Variants in ST6GALNAC3 observed in about 807,000 individuals in gnomAD.
ST6GALNAC3 encodes the protein ST6 N-acetylgalactosaminide alpha-2,6-sialyltransferase 3, also known as alpha-N-acetylgalactosaminide alpha-2,6-sialyltransferase 3.
ST6GALNAC3 carries 25 observed loss-of-function variants against 32.7 expected under a neutral mutation model. The observed-to-expected ratio is 0.76, with a 90% CI of 0.56 to 1.07. ST6GALNAC3 has a LOEUF of 1.07. Ranked by LOEUF, ST6GALNAC3 falls within the 50% of genes least tolerant of loss-of-function variation. The pLI, the probability that ST6GALNAC3 is intolerant of heterozygous loss-of-function variation, is 0.00. For missense variants in ST6GALNAC3, 355 were observed against 382.4 expected, an observed-to-expected ratio of 0.93 and a Z score of 0.60; for synonymous variants, 129 against 133.1, an observed-to-expected ratio of 0.97 and a Z score of 0.21.
rs140690553 is a variant in ST6GALNAC3, at chr1:76,425,907, CT to C, written c.623+13493del. Among the ~76,000 whole-genome samples the C allele has an allele frequency of 4.0e-3, 602 of 151,996 alleles. 2 individuals carry two copies. Among genetic ancestry groups the C allele is most frequent in the African/African-American group, 0.014 (580 of 41,510 alleles). ...CCTGTTAAGAAATCAAGACCATGTG[CT>C]TTGTCTATAATCCTGGAGTCAGCCC... is the stretch of plus-strand genomic sequence containing the variant. On this transcript the variant is annotated intron_variant, in intron 3 of 4. Transcript: ENST00000328299.
intron 1 of ST6GALNAC3, among the ~76,000 whole-genome samples, chr1:76,180,723 G>A (rs907462357): frequency 6.6e-6 from 1 of 152,134 alleles, no homozygotes; most frequent in African/African-American, 2.4e-5. Flanking sequence ...GTCTGGAGAT[G>A]GTCAGAAAAT....
chr1:76,287,464 AT>A (rs1227388103), intron 1 of ST6GALNAC3, among the ~76,000 whole-genome samples: 1 of 141,010 alleles, frequency 7.1e-6, no homozygotes, highest in African/African-American at 2.7e-5. Flanking sequence ...AAATGGAGTT[AT>A]TTGGTCACAG....
chr1:76,197,595 T>C (rs1654278164), intron 1 of ST6GALNAC3, among the ~76,000 whole-genome samples: 1 of 152,122 alleles, frequency 6.6e-6, no homozygotes, highest in East Asian at 1.9e-4. Flanking sequence ...TATCCCAGGC[T>C]AAAAGGGACA....
At chr1:76,296,194 C>G (rs1386270446) in intron 1 of ST6GALNAC3, among the ~76,000 whole-genome samples, 2 of 151,942 alleles carry the variant, frequency 1.3e-5, no homozygotes, top group Non-Finnish European at 2.9e-5. Context: ...GGTTGCCTCA[C>G]TAGAATAGTC....
At chr1:76,104,520 G>A (rs527489396) in intron 1 of ST6GALNAC3, among the ~76,000 whole-genome samples, 6 of 151,508 alleles carry the variant, frequency 4.0e-5, no homozygotes, top group Non-Finnish European at 4.4e-5. Context: ...TATTTCCTTG[G>A]CTCCTCAATA....
At chr1:76,299,896 G>A (rs1048820451) in intron 1 of ST6GALNAC3, among the ~76,000 whole-genome samples, 1 of 151,812 alleles carries the variant, frequency 6.6e-6, no homozygotes, top group African/African-American at 2.4e-5. Context: ...AAATTCTCAG[G>A]CTCTCTTTGC....
At chr1:76,226,150 C>T (rs962549371) in intron 1 of ST6GALNAC3, among the ~76,000 whole-genome samples, 4 of 152,298 alleles carry the variant, frequency 2.6e-5, no homozygotes, top group Non-Finnish European at 2.9e-5. Context: ...TAAAACACCA[C>T]GCTCAGGGTT....
intron 2 of ST6GALNAC3, among the ~76,000 whole-genome samples, chr1:76,410,659 G>A (rs60710364): frequency 0.12 from 18,861 of 151,992 alleles, 1,388 homozygotes; most frequent in South Asian, 0.34. Context: ...CTGACACATC[G>A]CAGGTGCTCT....
chr1:76,205,135 C>G (rs1376960399), intron 1 of ST6GALNAC3, among the ~76,000 whole-genome samples: 1 of 152,168 alleles, frequency 6.6e-6, no homozygotes, highest in Non-Finnish European at 1.5e-5. Flanking sequence ...CAACACCCTT[C>G]AACATGTGCT....
At chr1:76,261,889 T>C (rs1171922374) in intron 1 of ST6GALNAC3, among the ~76,000 whole-genome samples, 1 of 152,212 alleles carries the variant, frequency 6.6e-6, no homozygotes, top group African/African-American at 2.4e-5. Flanking sequence ...ATATTTTTAT[T>C]CTAACAGTCA....
At chr1:76,290,270 A>G (rs1227436102) in intron 1 of ST6GALNAC3, among the ~76,000 whole-genome samples, 1 of 152,186 alleles carries the variant, frequency 6.6e-6, no homozygotes, top group East Asian at 1.9e-4. Flanking sequence ...AAAGTACACT[A>G]TTGCTGTGTA....
chr1:76,131,750 T>A (rs780627838), intron 1 of ST6GALNAC3, among the ~76,000 whole-genome samples: 1 of 152,170 alleles, frequency 6.6e-6, no homozygotes, highest in Non-Finnish European at 1.5e-5. Context: ...AAAAGAGTAA[T>A]GTCTTTCTTT....
intron 2 of ST6GALNAC3, among the ~76,000 whole-genome samples, chr1:76,373,011 G>C (rs1051531902): frequency 6.6e-6 from 1 of 152,004 alleles, no homozygotes; most frequent in Admixed American, 6.6e-5. Flanking sequence ...TGGCCAGGCT[G>C]GTCTCTAAGT....
intron 1 of ST6GALNAC3, among the ~76,000 whole-genome samples, chr1:76,298,567 G>A (rs1173177964): frequency 2.0e-5 from 3 of 152,006 alleles, no homozygotes; most frequent in Non-Finnish European, 4.4e-5. Context: ...ATAAATATTT[G>A]ACATGTCTTC....
At chr1:76,197,972 A>G (rs1414235874) in intron 1 of ST6GALNAC3, among the ~76,000 whole-genome samples, 1 of 152,146 alleles carries the variant, frequency 6.6e-6, no homozygotes, top group Non-Finnish European at 1.5e-5. Flanking sequence ...GTGGAAGTAA[A>G]ATTGCCCCTG....
At chr1:76,426,334 G>A (rs1312664040) in intron 3 of ST6GALNAC3, among the ~76,000 whole-genome samples, 2 of 151,836 alleles carry the variant, frequency 1.3e-5, no homozygotes, top group African/African-American at 4.8e-5. Flanking sequence ...CAGTTGTTGA[G>A]TGGGTAACAT....
chr1:76,293,573 G>A (rs1313029896), intron 1 of ST6GALNAC3, among the ~76,000 whole-genome samples: 1 of 152,144 alleles, frequency 6.6e-6, no homozygotes, highest in Non-Finnish European at 1.5e-5. Flanking sequence ...GACACCAAAG[G>A]CAGGTGTCCT....
At chr1:76,392,785 A>G (rs1366309153) in intron 2 of ST6GALNAC3, among the ~76,000 whole-genome samples, 1 of 152,214 alleles carries the variant, frequency 6.6e-6, no homozygotes, top group Non-Finnish European at 1.5e-5. Context: ...ACTGGCCAAA[A>G]ATAAAAGTCA....
At chr1:76,477,229 T>C (rs1389643697) in intron 3 of ST6GALNAC3, among the ~76,000 whole-genome samples, 4 of 266 alleles carry the variant, frequency 0.015, no homozygotes, top group Non-Finnish European at 0.061. Context: ...TCATCCAGCA[T>C]TTTTTTTTTT....
Sources: allele counts gnomAD v4.1 joint callset (sites outside exome capture counted in the v4.1 genomes callset), GRCh38; gene constraint gnomAD v4.1.1; transcripts MANE v1.5; gene names NCBI Gene and HGNC (gene_info 2026-07-23, HGNC 2026-07-21).